LGR6: variants seen among roughly 807,000 people sequenced by gnomAD.
LGR6 encodes the protein leucine rich repeat containing G protein-coupled receptor 6, also known as leucine-rich repeat-containing G protein-coupled receptor 6.
A neutral mutation model predicts 69.4 loss-of-function variants in LGR6; 45 were observed. The observed-to-expected ratio is 0.65, with a 90% confidence interval of 0.51 to 0.83. The LOEUF (loss-of-function observed/expected upper bound fraction) is 0.83, where lower values mean the gene tolerates loss of function less well. LGR6 is among the 40% of genes least tolerant of loss of function. LGR6 has a pLI of 0.00. For missense variants in LGR6, 1,108 were observed against 1,246.7 expected, an observed-to-expected ratio of 0.89 and a Z score of 1.68; for synonymous variants, 538 against 555.0, an observed-to-expected ratio of 0.97 and a Z score of 0.43.
intron 1 of LGR6, among the ~76,000 whole-genome samples, chr1:202,209,994 C>T (rs1476897179): frequency 1.3e-5 from 2 of 152,202 alleles, no homozygotes; most frequent in Admixed American, 1.3e-4. Flanking sequence ...ATGGACATCA[C>T]GGTTGATTTA....
Position 202,318,326 on chromosome 1 carries a change from C to T in LGR6, c.2023C>T (p.Arg675Trp), listed in dbSNP as rs141252120. The T allele has an allele frequency of 1.2e-5, 19 of 1,594,090 alleles. No individual in the cohort carries two copies. Among genetic ancestry groups the T allele is most frequent in the African/African-American group, 2.7e-5 (2 of 74,770 alleles). Reference sequence around the variant, plus strand: ...GTGCAGCGTCTCCGTCTCCTGTGTCCGGGCCTATGGGAAGTCCCCCTCCCT... The same window carrying T: ...GTGCAGCGTCTCCGTCTCCTGTGTCTGGGCCTATGGGAAGTCCCCCTCCCT... ...VQCSVSVSCV[R>W]AYGKSPSLGS... The change falls in exon 18 of 18, where the codon CGG (arginine) becomes TGG (tryptophan). Residue 675 changes from arginine to tryptophan, a missense_variant. Physicochemically the swap from Arg to Trp is moderately radical, Grantham distance 101. Transcript: ENST00000367278.
Position 202,318,793 on chromosome 1 carries a change from C to T in LGR6, c.2490C>T (p.Phe830=). ...ACLNPLLYLL[F]NPHFRDDLRR... ...TCAACCCACTGCTGTACCTGCTCTT[C>T]AACCCCCACTTCCGGGATGACCTTC... The change falls in exon 18 of 18, where the codon TTC becomes TTT. Residue 830 remains phenylalanine (F), a synonymous_variant. Coordinates refer to ENST00000367278, the MANE Select transcript of LGR6 (RefSeq NM_001017403.2). 6.2e-7 allele frequency: 1 copy of T among 1,613,684 alleles called. No homozygotes were observed. The highest frequency in any genetic ancestry group is 8.5e-7 in the Non-Finnish European group (1 of 1,179,948).
chr1:202,249,120 G>T, intron 4 of LGR6, among the ~76,000 whole-genome samples: 1 of 152,090 alleles, frequency 6.6e-6, no homozygotes, highest in East Asian at 1.9e-4. Context: ...TCCTGACTTC[G>T]CTCTCTCCTC....
At position 202,310,356 on chromosome 1, in the gene LGR6, C is replaced by T. The variant is rs111800975; in HGVS notation, c.1566C>T (p.His522=). ...TCCTTGCCAGACAAGCAGAGAACCA[C>T]TGTGAGTGACCAGGGGCCCTGGGTT... ...LGLLARQAEN[H]YDQDLDELQL... Residue 522 remains histidine (H), a splice_region_variant and synonymous_variant, in exon 16 of 18, where the codon CAC becomes CAT. Coordinates refer to ENST00000367278, the MANE Select transcript of LGR6 (RefSeq NM_001017403.2). The T allele has an allele frequency of 2.3e-4, 363 of 1,613,314 alleles. 1 individual carries two copies. In the African/African-American group the frequency reaches 4.5e-3, roughly 20 times the overall value.
intron 5 of LGR6, among the ~76,000 whole-genome samples, chr1:202,276,850 G>T (rs866397531): frequency 6.6e-6 from 1 of 152,170 alleles, no homozygotes; most frequent in Middle Eastern, 3.2e-3. Context: ...TATAAATCAA[G>T]AATTTCTTAA....
At chr1:202,216,009 C>T (rs1394187522) in intron 1 of LGR6, among the ~76,000 whole-genome samples, 1 of 152,236 alleles carries the variant, frequency 6.6e-6, no homozygotes, top group South Asian at 2.1e-4. Context: ...ATTGTCCACT[C>T]TGTTGTCATT....
At chr1:202,316,332 G>A (rs142096474) in intron 17 of LGR6, among the ~76,000 whole-genome samples, 83 of 152,278 alleles carry the variant, frequency 5.5e-4, no homozygotes, top group African/African-American at 1.9e-3. Context: ...CAGGGTGAAA[G>A]AGAAGCCAGA....
intron 3 of LGR6, among the ~76,000 whole-genome samples, chr1:202,232,660 C>T (rs1661183752): frequency 7.3e-6 from 1 of 136,468 alleles, no homozygotes; most frequent in Admixed American, 7.2e-5. Flanking sequence ...ACCATCTCTA[C>T]AAAAAAATGT....
chr1:202,245,502 C>T (rs556634828), intron 4 of LGR6, among the ~76,000 whole-genome samples: 5 of 152,178 alleles, frequency 3.3e-5, no homozygotes, highest in African/African-American at 1.2e-4. Flanking sequence ...CACCTCAGCT[C>T]AGACTTGTGG....
In LGR6 at chr1:202,268,535, C is replaced by T. The variant is rs1451209711; in HGVS notation, c.429-7771C>T. 6.6e-6 allele frequency among the ~76,000 whole-genome samples: 1 copy of T among 152,246 alleles called. No individual in the cohort carries two copies. Among genetic ancestry groups the T allele is most frequent in the South Asian group, 2.1e-4 (1 of 4,820 alleles). Reference sequence around the variant, plus strand: ...TCCAACCAGAGACTGAGATGTCCCCCTCCCCACCCACATCTTTTCTCTATT... The same window carrying T: ...TCCAACCAGAGACTGAGATGTCCCCTTCCCCACCCACATCTTTTCTCTATT... On this transcript the variant is annotated intron_variant, in intron 4 of 17. Coordinates refer to ENST00000367278, the MANE Select transcript of LGR6 (RefSeq NM_001017403.2). The surrounding 1 kb of genome is among the most constrained non-coding windows in gnomAD (Gnocchi z 4.4).
In LGR6 at chr1:202,303,316, G is replaced by A; in HGVS notation, c.967G>A (p.Asp323Asn). The A allele has an allele frequency of 6.2e-7, 1 of 1,614,060 alleles. No individual in the cohort carries two copies. Among genetic ancestry groups the A allele is most frequent in the Non-Finnish European group, 8.5e-7 (1 of 1,179,942 alleles). ...TGCCATGGACATCCAGGAGTTTCCAGATCTCAAAGGCACCACCAGCCTGGA... is the reference window on the plus strand; with the variant it reads ...TGCCATGGACATCCAGGAGTTTCCAAATCTCAAAGGCACCACCAGCCTGGA... ...NGAMDIQEFP[D>N]LKGTTSLEIL... Residue 323 changes from aspartate (D) to asparagine (N), a missense_variant, in exon 10 of 18, where the codon GAT becomes AAT. Transcript: ENST00000367278.
chr1:202,212,511 C>T (rs1659500743), intron 1 of LGR6, among the ~76,000 whole-genome samples: 2 of 152,180 alleles, frequency 1.3e-5, no homozygotes, highest in Non-Finnish European at 2.9e-5. Flanking sequence ...TCAGCAGGGC[C>T]ACATTCCTGT....
chr1:202,239,129 C>G (rs1305459527), intron 4 of LGR6, among the ~76,000 whole-genome samples: 1 of 152,112 alleles, frequency 6.6e-6, no homozygotes, highest in African/African-American at 2.4e-5. Context: ...TAGGTGTCTT[C>G]CAACCAGGGT....
chr1:202,306,996 G>C (rs2148285478), intron 13 of LGR6, 57 bp downstream of exon 13: 1 of 1,439,436 alleles, frequency 6.9e-7, no homozygotes, highest in African/African-American at 1.4e-5. Flanking sequence ...CCTCTGCTAG[G>C]CATGCTCATT....
At chr1:202,301,856 A>G (rs1298661000) in intron 9 of LGR6, among the ~76,000 whole-genome samples, 1 of 152,014 alleles carries the variant, frequency 6.6e-6, no homozygotes, top group Non-Finnish European at 1.5e-5. Context: ...ATCTCTACTA[A>G]AAATACAAAA....
intron 4 of LGR6, among the ~76,000 whole-genome samples, chr1:202,241,206 G>C (rs937982912): frequency 1.3e-5 from 2 of 152,208 alleles, no homozygotes; most frequent in Admixed American, 1.3e-4. Context: ...GAAGTATGTA[G>C]AGGATGCACC....
intron 14 of LGR6, 69 bp downstream of exon 14, chr1:202,307,470 GCAGAAGGGCCACCC>G: frequency 7.4e-7 from 1 of 1,355,996 alleles, no homozygotes; most frequent in East Asian, 2.3e-5. Flanking sequence ...GCCAATGGAG[GCAGAAGGGCCACCC>G]CAGAGCAGGA....
At chr1:202,197,386 T>C (rs1237528319) in intron 1 of LGR6, 1 of 532,858 alleles carries the variant, frequency 1.9e-6, no homozygotes, top group Non-Finnish European at 3.8e-6. Flanking sequence ...GAAGACGGAC[T>C]TCAGATACTC....
intron 4 of LGR6, among the ~76,000 whole-genome samples, chr1:202,245,926 C>A (rs1381365890): frequency 6.6e-6 from 1 of 151,982 alleles, no homozygotes; most frequent in Non-Finnish European, 1.5e-5. Flanking sequence ...ATCCTTGCAT[C>A]CATCCATGCA....
Sources: allele counts gnomAD v4.1 joint callset (sites outside exome capture counted in the v4.1 genomes callset), GRCh38; gene constraint gnomAD v4.1.1; non-coding constraint Gnocchi (gnomAD v3.1); transcripts MANE v1.5; gene names NCBI Gene and HGNC (gene_info 2026-07-23, HGNC 2026-07-21).